The following BCKDHA variants were observed in gnomAD, a reference collection of about 807,000 sequenced individuals.
BCKDHA encodes the protein branched chain keto acid dehydrogenase E1 subunit alpha.
BCKDHA carries 43 observed loss-of-function variants against 52.2 expected under a neutral mutation model. That is an observed-to-expected ratio of 0.82 (90% CI 0.64 to 1.06). The LOEUF is 1.06. Ranked by LOEUF, BCKDHA falls within the 50% of genes least tolerant of loss-of-function variation. BCKDHA has a pLI of 0.00. For missense variants in BCKDHA, 527 were observed against 621.3 expected (o/e 0.85, Z 1.61); for synonymous variants, 234 against 247.9 (o/e 0.94, Z 0.53).
At chr19:41,419,009 C>T in intron 4 of BCKDHA, 126 bp from the exon 5 acceptor site, 1 of 1,147,010 alleles carries the variant, frequency 8.7e-7, no homozygotes, top group South Asian at 1.3e-5. Context: ...GTCTGAACAT[C>T]AGTCTTCCTC....
At chr19:41,407,946 T>C (rs2039210583) in intron 1 of BCKDHA, among the ~76,000 whole-genome samples, 1 of 127,024 alleles carries the variant, frequency 7.9e-6, no homozygotes, top group African/African-American at 3.2e-5. Flanking sequence ...CCAGTTCTGA[T>C]GTAATTTTTT....
chr19:41,403,736 C>G (rs2039162165), intron 1 of BCKDHA, among the ~76,000 whole-genome samples: 1 of 152,214 alleles, frequency 6.6e-6, no homozygotes, highest in Non-Finnish European at 1.5e-5. Flanking sequence ...TTCCCCGCCT[C>G]TCCACCAGCC....
intron 1 of BCKDHA, among the ~76,000 whole-genome samples, chr19:41,408,720 C>G (rs571991895): frequency 6.6e-6 from 1 of 151,538 alleles, no homozygotes; most frequent in Non-Finnish European, 1.5e-5. Flanking sequence ...TGGGGTCAAG[C>G]GATTCTCCCA....
intron 4 of BCKDHA, among the ~76,000 whole-genome samples, chr19:41,414,573 C>A (rs1453868655): frequency 6.6e-6 from 1 of 152,142 alleles, no homozygotes; most frequent in Non-Finnish European, 1.5e-5. Context: ...TCCCCTGGCC[C>A]CTCCTCAGGT....
chr19:41,415,223 G>T (rs540712197), intron 4 of BCKDHA, among the ~76,000 whole-genome samples: 2 of 152,356 alleles, frequency 1.3e-5, no homozygotes, highest in East Asian at 3.9e-4. Context: ...CTAAGGTCTA[G>T]TGTCATCCGT....
chr19:41,419,314 G>A lies in BCKDHA; in HGVS notation c.646+18G>A. ...CCCTCAGGGTGAGGATGCATGCCCT[G>A]TACCTTGCACATGTGCAGACCAATG... On this transcript the variant is annotated intron_variant, in intron 5 of 8. Coordinates refer to ENST00000269980, the MANE Select transcript of BCKDHA (RefSeq NM_000709.4). 2 of 1,606,562 alleles carry A rather than the reference G, an allele frequency of 1.2e-6. No individual in the cohort carries two copies.
intron 4 of BCKDHA, chr19:41,418,720 T>G (rs1568506382): frequency 2.3e-6 from 1 of 444,252 alleles, no homozygotes; most frequent in South Asian, 1.6e-5. Flanking sequence ...TTTTTTTTTT[T>G]GTAGAAGCGA....
chr19:41,419,131 C>T lies in BCKDHA; in HGVS notation c.485-4C>T. 6.2e-7 allele frequency: 1 copy of T among 1,614,090 alleles called. No individual in the cohort carries two copies. Among genetic ancestry groups the T allele is most frequent in the Non-Finnish European group, 8.5e-7 (1 of 1,179,966 alleles). ...CGGCTAACCATTGCCTCCTCCCCTC[C>T]TAGGTGTGCTGATGTATCGGGACTA... On this transcript the variant is annotated splice_region_variant and splice_polypyrimidine_tract_variant and intron_variant, in intron 4 of 8. Transcript: ENST00000269980.
chr19:41,399,184 A>G (rs2039109295), intron 1 of BCKDHA, among the ~76,000 whole-genome samples: 1 of 152,124 alleles, frequency 6.6e-6, no homozygotes, highest in Admixed American at 6.6e-5. Flanking sequence ...AGGGGAACAA[A>G]CGGGAGGAGG....
At chr19:41,404,176 C>T (rs1046570170) in intron 1 of BCKDHA, among the ~76,000 whole-genome samples, 4 of 151,922 alleles carry the variant, frequency 2.6e-5, no homozygotes, top group Non-Finnish European at 5.9e-5. Flanking sequence ...GATGGGGTTT[C>T]GCCATATTGG....
At chr19:41,411,359 C>T (rs556617191) in intron 3 of BCKDHA, among the ~76,000 whole-genome samples, 56 of 152,220 alleles carry the variant, frequency 3.7e-4, no homozygotes, top group African/African-American at 1.3e-3. Context: ...GGGGACCGCC[C>T]TAGGCCCATG....
intron 1 of BCKDHA, among the ~76,000 whole-genome samples, chr19:41,406,204 C>G (rs1352878024): frequency 6.6e-6 from 1 of 152,174 alleles, no homozygotes; most frequent in African/African-American, 2.4e-5. Flanking sequence ...GTGGAGCACA[C>G]TGGGGTGCCG....
chr19:41,423,320 T>C, intron 8 of BCKDHA, 151 bp downstream of exon 8: 1 of 1,262,684 alleles, frequency 7.9e-7, no homozygotes, highest in Non-Finnish European at 1.1e-6. Context: ...TGGGGCCATG[T>C]GTGTCCTGGC....
In BCKDHA at chr19:41,410,880, C is replaced by G. The variant is rs369236118; in HGVS notation, c.289-43C>G. 3.1e-6 allele frequency: 5 copies of G among 1,613,746 alleles called. No homozygotes were observed. In the Admixed American group the frequency reaches 8.3e-5, roughly 27 times the overall value. The stretch of plus-strand genomic sequence containing the variant: ...CCCAGGCCCCTTGCCTGTCTCCTCT[C>G]TGGTCCCAACTGCCCCACGTCTATC... On this transcript the variant is annotated intron_variant, in intron 2 of 8. Transcript: ENST00000269980.
rs373175569 is a variant in BCKDHA, at chr19:41,422,246, G to A, written c.729G>A (p.Glu243=). The part of the protein sequence containing the change: ...ICYFGEGAAS[E]GDAHAGFNFA... The stretch of plus-strand genomic sequence containing the variant: ...ACTTCGGCGAGGGGGCAGCCAGTGA[G>A]GGGGACGCCCATGCCGGCTTCAACT... Residue 243 remains glutamate, a synonymous_variant, in exon 6 of 9, where the codon GAG becomes GAA. Coordinates refer to ENST00000269980, the MANE Select transcript of BCKDHA (RefSeq NM_000709.4). 33 of 1,614,096 alleles carry A rather than the reference G, an allele frequency of 2.0e-5. No individual in the cohort carries two copies. The highest frequency in any genetic ancestry group is 2.6e-5 in the Non-Finnish European group (31 of 1,180,024).
chr19:41,421,944 A>T (rs1428559209), intron 5 of BCKDHA, among the ~76,000 whole-genome samples: 3 of 152,068 alleles, frequency 2.0e-5, no homozygotes, highest in African/African-American at 7.2e-5. Context: ...TGGACTCTTC[A>T]GCCTGAGCAG....
At chr19:41,412,374 A>G (rs971673071) in intron 3 of BCKDHA, among the ~76,000 whole-genome samples, 3 of 56,166 alleles carry the variant, frequency 5.3e-5, no homozygotes, top group Non-Finnish European at 1.1e-4. Context: ...CTGTCTGTAG[A>G]TATTTCTTTT....
At chr19:41,410,860 G>T in intron 2 of BCKDHA, 44 bp downstream of exon 2, 1 of 1,613,550 alleles carries the variant, frequency 6.2e-7, no homozygotes, top group Non-Finnish European at 8.5e-7. Flanking sequence ...CCACGCCCAG[G>T]CCCCTTGCCT....
rs1599965063 is a variant in BCKDHA at position 41,424,749 on chromosome 19, C to T, written c.*141C>T. On this transcript the variant is annotated 3_prime_UTR_variant, in exon 9 of 9. Coordinates refer to ENST00000269980, the MANE Select transcript of BCKDHA (RefSeq NM_000709.4). The stretch of plus-strand genomic sequence containing the variant: ...AATACTCAGCGGCCAGGGCGGCTGC[C>T]ACTCTTCACCCCTGCTCCTCCCGGC... 2.6e-5 allele frequency: 23 copies of T among 897,354 alleles called. No individual in the cohort carries two copies. The East Asian group carries it at 6.2e-4, about 24-fold the overall frequency. 55.6% of individuals were successfully genotyped at this position (897,354 alleles called of 1,614,324 possible). A position where few individuals can be genotyped will look rare whatever the true frequency, so the allele number is the denominator to read the frequency against.
Sources: allele counts gnomAD v4.1 joint callset (sites outside exome capture counted in the v4.1 genomes callset), GRCh38; gene constraint gnomAD v4.1.1; transcripts MANE v1.5; gene names NCBI Gene and HGNC (gene_info 2026-07-23, HGNC 2026-07-21).